Variants in MDGA2 observed in about 807,000 individuals in gnomAD.
The protein encoded by MDGA2 is MAM domain containing glycosylphosphatidylinositol anchor 2, also known as MAM domain-containing glycosylphosphatidylinositol anchor protein 2.
In MDGA2, 40 loss-of-function variants were observed where a neutral mutation model predicts 117.8. The ratio of observed to expected loss-of-function variants is 0.34; its 90% CI spans 0.26 to 0.44. The LOEUF (loss-of-function observed/expected upper bound fraction) is 0.44, where lower values mean the gene tolerates loss of function less well. MDGA2 is among the 20% of genes least tolerant of loss of function. The pLI is 1.00. For synonymous variants in MDGA2, 452 were observed against 439.0 expected (o/e 1.03, Z -0.37); for missense variants, 1,123 against 1,250.6 (o/e 0.90, Z 1.54).
chr14:47,426,002 G>T (rs1892681363), intron 1 of MDGA2, among the ~76,000 whole-genome samples: 1 of 150,266 alleles, frequency 6.7e-6, no homozygotes. Context: ...TAGTTTCTTT[G>T]TGTCTTCTTT....
At chr14:47,069,168 T>C (rs1185679664) in intron 6 of MDGA2, among the ~76,000 whole-genome samples, 1 of 152,340 alleles carries the variant, frequency 6.6e-6, no homozygotes, top group South Asian at 2.1e-4. Flanking sequence ...TAGGATACTT[T>C]ATGTGCTGGG....
intron 3 of MDGA2, among the ~76,000 whole-genome samples, chr14:47,153,646 G>T (rs1294977355): frequency 6.6e-6 from 1 of 150,846 alleles, no homozygotes; most frequent in Non-Finnish European, 1.5e-5. Context: ...TGGAAAAAGG[G>T]AAGGACCAGT....
In MDGA2 at chr14:47,444,747, T is replaced by G. The variant is rs145881036; in HGVS notation, c.281-143197A>C. 3.1e-3 allele frequency among the ~76,000 whole-genome samples: 474 copies of G among 152,184 alleles called. 1 individual carries two copies. The highest frequency in any genetic ancestry group is 0.011 in the African/African-American group (451 of 41,534). On this transcript the variant is annotated intron_variant, in intron 1 of 16. Coordinates refer to ENST00000399232, the MANE Select transcript of MDGA2 (RefSeq NM_001113498.3). ...GGTGAACTTGATGACGGTAAGTAAT[T>G]AGATGTAATGGTCACTAAGCCTCAT...
At chr14:46,982,029 G>T (rs1886690718) in intron 8 of MDGA2, among the ~76,000 whole-genome samples, 2 of 152,192 alleles carry the variant, frequency 1.3e-5, no homozygotes, top group African/African-American at 4.8e-5. Flanking sequence ...TCGGATTTAT[G>T]AGTCCAATCA....
intron 3 of MDGA2, among the ~76,000 whole-genome samples, chr14:47,180,138 G>A (rs916599842): frequency 1.3e-5 from 2 of 152,002 alleles, no homozygotes; most frequent in South Asian, 2.1e-4. Flanking sequence ...CAGGTATATT[G>A]AGCCTAGTAC....
intron 15 of MDGA2, among the ~76,000 whole-genome samples, chr14:46,853,043 G>T (rs1359890691): frequency 6.6e-6 from 1 of 151,722 alleles, no homozygotes; most frequent in Non-Finnish European, 1.5e-5. Context: ...ATTAGCAATA[G>T]CAAATAATGA....
intron 5 of MDGA2, among the ~76,000 whole-genome samples, chr14:47,115,714 A>C (rs1375399235): frequency 6.6e-6 from 1 of 152,072 alleles, no homozygotes; most frequent in Non-Finnish European, 1.5e-5. Context: ...ATGTAGAAAA[A>C]GCATTAGTCA....
intron 1 of MDGA2, chr14:47,444,510 A>C (rs1893081113): frequency 5.5e-6 from 1 of 181,190 alleles, no homozygotes; most frequent in Non-Finnish European, 1.2e-5. Context: ...TGGCATGGAA[A>C]GATGGTGGAA....
intron 5 of MDGA2, among the ~76,000 whole-genome samples, chr14:47,112,503 T>A (rs999158762): frequency 1.3e-5 from 2 of 152,150 alleles, no homozygotes; most frequent in Non-Finnish European, 2.9e-5. Context: ...CAGTATTTGG[T>A]TTTCTGTTCC....
intron 3 of MDGA2, among the ~76,000 whole-genome samples, chr14:47,186,270 A>G (rs1488811629): frequency 6.6e-6 from 1 of 151,762 alleles, no homozygotes; most frequent in Non-Finnish European, 1.5e-5. Flanking sequence ...ATGTAATGCA[A>G]TGATTACATA....
At chr14:47,138,669 T>A (rs1411107924) in intron 4 of MDGA2, among the ~76,000 whole-genome samples, 1 of 152,076 alleles carries the variant, frequency 6.6e-6, no homozygotes, top group East Asian at 1.9e-4. Flanking sequence ...ATATTACTTA[T>A]AAAATAAACT....
At chr14:47,491,240 A>T (rs1036067004) in intron 1 of MDGA2, among the ~76,000 whole-genome samples, 1 of 152,100 alleles carries the variant, frequency 6.6e-6, no homozygotes, top group African/African-American at 2.4e-5. Context: ...CTGTGACCAA[A>T]TGCCTTCTAC....
chr14:47,221,556 C>T (rs1045776542), intron 2 of MDGA2, among the ~76,000 whole-genome samples: 1 of 151,828 alleles, frequency 6.6e-6, no homozygotes, highest in African/African-American at 2.4e-5. Context: ...GGAGTGGTGG[C>T]AGGCGCCTAT....
intron 1 of MDGA2, among the ~76,000 whole-genome samples, chr14:47,565,004 T>G (rs574093744): frequency 6.6e-6 from 1 of 152,206 alleles, no homozygotes; most frequent in East Asian, 1.9e-4. Context: ...TTTTCTCATC[T>G]CCTGTATAGT....
chr14:47,424,507 T>C (rs558391215), intron 1 of MDGA2, among the ~76,000 whole-genome samples: 60 of 152,234 alleles, frequency 3.9e-4, no homozygotes, highest in African/African-American at 1.3e-3. Context: ...CATCTTCTCA[T>C]GTGTGTCAGA....
At chr14:47,488,102 T>C (rs1367946174) in intron 1 of MDGA2, among the ~76,000 whole-genome samples, 1 of 152,104 alleles carries the variant, frequency 6.6e-6, no homozygotes, top group Non-Finnish European at 1.5e-5. Flanking sequence ...TCGACCCTGG[T>C]TAGATCATTG....
intron 1 of MDGA2, among the ~76,000 whole-genome samples, chr14:47,585,959 T>C (rs1401189968): frequency 2.0e-5 from 3 of 151,824 alleles, no homozygotes; most frequent in Non-Finnish European, 4.4e-5. Flanking sequence ...TCTGAAGCAA[T>C]TATTGCAGAT....
At chr14:47,673,724 T>C (rs1898119125) in intron 1 of MDGA2, among the ~76,000 whole-genome samples, 1 of 150,998 alleles carries the variant, frequency 6.6e-6, no homozygotes, top group South Asian at 2.1e-4. Context: ...AAAACCTGTA[T>C]TTGCTTTTGA....
intron 5 of MDGA2, among the ~76,000 whole-genome samples, chr14:47,124,120 A>G (rs994070152): frequency 3.3e-5 from 5 of 152,046 alleles, no homozygotes; most frequent in Non-Finnish European, 5.9e-5. Context: ...TAAAGCACCC[A>G]TATTTCCAAT....
Sources: allele counts gnomAD v4.1 joint callset (sites outside exome capture counted in the v4.1 genomes callset), GRCh38; gene constraint gnomAD v4.1.1; transcripts MANE v1.5; gene names NCBI Gene and HGNC (gene_info 2026-07-23, HGNC 2026-07-21).